HECW1: variants seen among roughly 807,000 people sequenced by gnomAD.
The protein encoded by HECW1 is HECT, C2 and WW domain containing E3 ubiquitin protein ligase 1, also known as E3 ubiquitin-protein ligase HECW1.
A neutral mutation model predicts 182.3 loss-of-function variants in HECW1; 61 were observed. The ratio of observed to expected loss-of-function variants is 0.33; its 90% confidence interval spans 0.27 to 0.41. The LOEUF is 0.41. Among genes scored for constraint, HECW1 ranks in the 10% least tolerant of loss-of-function variants. The probability of loss-of-function intolerance (pLI) is 1.00; values close to 1 mark genes in which losing one functional copy is unlikely to be tolerated. For synonymous variants in HECW1, 859 were observed against 832.6 expected (o/e 1.03, Z -0.55); for missense variants, 1,739 against 2,108.9 (o/e 0.82, Z 3.44).
chr7:43,560,515 G>T (rs534479874), intron 29 of HECW1, among the ~76,000 whole-genome samples: 1 of 152,064 alleles, frequency 6.6e-6, no homozygotes, highest in East Asian at 1.9e-4. Context: ...AGGAGGAATG[G>T]GTGCTGGGCA....
At chr7:43,335,274 C>A (rs1811975753) in intron 5 of HECW1, among the ~76,000 whole-genome samples, 3 of 152,156 alleles carry the variant, frequency 2.0e-5, no homozygotes. Context: ...CAGGCAAACT[C>A]AATATAAAAA....
intron 8 of HECW1, among the ~76,000 whole-genome samples, chr7:43,408,785 G>A (rs779220861): frequency 7.9e-5 from 12 of 152,208 alleles, no homozygotes; most frequent in Non-Finnish European, 1.3e-4. Flanking sequence ...TGACTGAGGG[G>A]AGGGGAGGCC....
At position 43,552,336 on chromosome 7, in the gene HECW1, G is replaced by A. The variant is rs1414830528; in HGVS notation, c.4510G>A (p.Gly1504Ser). The A allele has an allele frequency of 1.3e-6, 2 of 1,581,070 alleles. No homozygotes were observed. The change falls in exon 28 of 30, where the codon GGT becomes AGT. Residue 1504 changes from glycine (G) to serine (S), a missense_variant and splice_region_variant. Gly to Ser is a moderately conservative substitution (Grantham distance 56, BLOSUM62 0). This residue lies in a region of HECW1 where 420 missense variants were observed against 595.7 expected (regional missense o/e 0.71). Transcript: ENST00000395891. ...GCGGAATAACACTGAGTACCGGGGA[G>A]GTGAGTGGGCAGGAGCTGTAATGAT... ...DWRNNTEYRG[G>S]YHDGHLVIRW... is the part of the protein sequence containing the mutation.
At chr7:43,245,335 A>C (rs1799287154) in intron 3 of HECW1, 1 of 152,124 alleles carries the variant, frequency 6.6e-6, no homozygotes, top group Non-Finnish European at 1.5e-5. Context: ...TTTCCATAGC[A>C]CTCAGTCTGT....
intron 3 of HECW1, among the ~76,000 whole-genome samples, chr7:43,258,286 T>C (rs1245952802): frequency 1.0e-5 from 1 of 95,266 alleles, no homozygotes; most frequent in African/African-American, 3.2e-5. Context: ...GAGGTTGCAG[T>C]GAGCCGAGAT....
chr7:43,497,400 T>C (rs1037398111), intron 19 of HECW1, among the ~76,000 whole-genome samples: 52 of 152,190 alleles, frequency 3.4e-4, no homozygotes, highest in Non-Finnish European at 2.9e-5. Flanking sequence ...TGCGATTCTA[T>C]TTGAGAAGTG....
chr7:43,521,747 T>C (rs1391666345), intron 24 of HECW1, among the ~76,000 whole-genome samples: 2 of 152,164 alleles, frequency 1.3e-5, no homozygotes, highest in African/African-American at 2.4e-5. Flanking sequence ...TGGTGGCACA[T>C]GTCTGTAATC....
At chr7:43,195,736 AAAGG>A (rs984151416) in intron 2 of HECW1, among the ~76,000 whole-genome samples, 6 of 152,214 alleles carry the variant, frequency 3.9e-5, no homozygotes, top group Non-Finnish European at 8.8e-5. Context: ...ATACTCAAGA[AAAGG>A]AAGTGCAGGC....
intron 2 of HECW1, among the ~76,000 whole-genome samples, chr7:43,196,868 A>G (rs1794506169): frequency 6.6e-6 from 1 of 152,196 alleles, no homozygotes; most frequent in African/African-American, 2.4e-5. Flanking sequence ...GTGAGAAAAA[A>G]TTAAACTATG....
At chr7:43,275,950 A>G (rs1435461770) in intron 3 of HECW1, among the ~76,000 whole-genome samples, 1 of 152,194 alleles carries the variant, frequency 6.6e-6, no homozygotes, top group Non-Finnish European at 1.5e-5. Context: ...ATTGTTTCAT[A>G]CATTGAGATC....
intron 3 of HECW1, among the ~76,000 whole-genome samples, chr7:43,290,720 G>A (rs557300373): frequency 6.6e-6 from 1 of 152,366 alleles, no homozygotes; most frequent in African/African-American, 2.4e-5. Flanking sequence ...GTGACAAGTA[G>A]TAGGGGATAG....
At chr7:43,493,232 C>T (rs1176987154) in intron 19 of HECW1, 52 bp downstream of exon 19, 2 of 1,256,606 alleles carry the variant, frequency 1.6e-6, no homozygotes, top group East Asian at 4.7e-5. Context: ...AGCCATTTTT[C>T]CCGGTGGGAA....
chr7:43,423,996 G>A (rs1305803465), intron 8 of HECW1, among the ~76,000 whole-genome samples: 1 of 152,188 alleles, frequency 6.6e-6, no homozygotes, highest in African/African-American at 2.4e-5. Flanking sequence ...ATCTAGAAAT[G>A]AGGAAATACA....
chr7:43,335,273 T>A (rs1182984760), intron 5 of HECW1, among the ~76,000 whole-genome samples: 2 of 152,168 alleles, frequency 1.3e-5, no homozygotes. Flanking sequence ...TCAGGCAAAC[T>A]CAATATAAAA....
Position 43,407,592 on chromosome 7 carries a change from T to A in HECW1, c.662T>A (p.Met221Lys). 2 of 1,613,336 alleles carry A rather than the reference T, an allele frequency of 1.2e-6. No homozygotes were observed. Among genetic ancestry groups the A allele is most frequent in the Non-Finnish European group, 1.7e-6 (2 of 1,179,442 alleles). The change falls in exon 8 of 30, where the codon ATG becomes AAG. Residue 221 changes from methionine to lysine, a missense_variant. This residue lies in a region of HECW1 where 279 missense variants were observed against 353.1 expected (regional missense o/e 0.79). Coordinates refer to ENST00000395891, the MANE Select transcript of HECW1 (RefSeq NM_015052.5). ...DFQAMGLKKGMFFNPDPYLKI... is the reference protein window; with the variant it reads ...DFQAMGLKKGKFFNPDPYLKI... Reference sequence around the variant, plus strand: ...CAAGCCATGGGGTTGAAGAAAGGGATGTTTTTCAACCCAGACCCTTATCTG... The same window carrying A: ...CAAGCCATGGGGTTGAAGAAAGGGAAGTTTTTCAACCCAGACCCTTATCTG...
intron 3 of HECW1, among the ~76,000 whole-genome samples, chr7:43,259,105 T>C (rs537491886): frequency 6.6e-6 from 1 of 152,332 alleles, no homozygotes; most frequent in Admixed American, 6.5e-5. Flanking sequence ...ATGTCCACTT[T>C]GGCCAGGAGC....
At chr7:43,503,118 C>T (rs1004309030) in intron 21 of HECW1, among the ~76,000 whole-genome samples, 3 of 152,214 alleles carry the variant, frequency 2.0e-5, no homozygotes, top group Non-Finnish European at 4.4e-5. Flanking sequence ...CCTGTTGTCA[C>T]TTCCTCCAAA....
intron 2 of HECW1, among the ~76,000 whole-genome samples, chr7:43,226,021 C>A (rs570088814): frequency 6.6e-6 from 1 of 152,284 alleles, no homozygotes; most frequent in African/African-American, 2.4e-5. Context: ...AATCCTCCCG[C>A]TTTGGCCTCC....
intron 5 of HECW1, among the ~76,000 whole-genome samples, chr7:43,331,515 C>T (rs1266321482): frequency 1.3e-5 from 2 of 151,814 alleles, no homozygotes; most frequent in African/African-American, 4.8e-5. Flanking sequence ...ATGGCGTGAA[C>T]CCAGGAGGTG....
Sources: allele counts gnomAD v4.1 joint callset (sites outside exome capture counted in the v4.1 genomes callset), GRCh38; gene constraint gnomAD v4.1.1; regional missense constraint gnomAD v4.1.1; transcripts MANE v1.5; gene names NCBI Gene and HGNC (gene_info 2026-07-23, HGNC 2026-07-21).